Variants in ZBTB7C observed in about 807,000 individuals in gnomAD.
ZBTB7C encodes the protein zinc finger and BTB domain-containing protein 7C.
ZBTB7C carries 8 observed loss-of-function variants against 25.7 expected under a neutral mutation model. That is an observed-to-expected ratio of 0.31 (90% CI 0.18 to 0.56). ZBTB7C has a LOEUF of 0.56. Ranked by LOEUF, ZBTB7C falls within the 20% of genes least tolerant of loss-of-function variation. The pLI is 0.91. For synonymous variants in ZBTB7C, 394 were observed against 369.0 expected, an observed-to-expected ratio of 1.07 and a Z score of -0.78; for missense variants, 824 against 855.2, an observed-to-expected ratio of 0.96 and a Z score of 0.46.
intron 3 of ZBTB7C, among the ~76,000 whole-genome samples, chr18:48,106,945 G>C (rs931593239): frequency 6.6e-6 from 1 of 152,136 alleles, no homozygotes; most frequent in Non-Finnish European, 1.5e-5. Context: ...GCAAGCTCAG[G>C]CTGCCCAGAA....
chr18:48,247,276 A>T (rs1453451867), intron 2 of ZBTB7C, among the ~76,000 whole-genome samples: 2 of 152,230 alleles, frequency 1.3e-5, no homozygotes, highest in African/African-American at 4.8e-5. Flanking sequence ...AATCATTCAT[A>T]AAAATATTAT....
At chr18:48,407,452 G>T (rs1015091821) in intron 1 of ZBTB7C, among the ~76,000 whole-genome samples, 1 of 152,172 alleles carries the variant, frequency 6.6e-6, no homozygotes, top group Non-Finnish European at 1.5e-5. Flanking sequence ...TACCACATTC[G>T]CTGGCAAGCA....
chr18:48,184,682 G>C (rs990832089), intron 3 of ZBTB7C, among the ~76,000 whole-genome samples: 1 of 152,094 alleles, frequency 6.6e-6, no homozygotes, highest in Non-Finnish European at 1.5e-5. Flanking sequence ...CCCTGCGTGA[G>C]AAGTGGCTCT....
At chr18:48,383,054 G>T (rs950342086) in intron 1 of ZBTB7C, among the ~76,000 whole-genome samples, 2 of 152,032 alleles carry the variant, frequency 1.3e-5, no homozygotes, top group South Asian at 4.1e-4. Context: ...ATGACATTGC[G>T]CCTGCTTCCC....
intron 2 of ZBTB7C, among the ~76,000 whole-genome samples, chr18:48,187,298 G>A (rs977500161): frequency 3.3e-5 from 5 of 152,188 alleles, no homozygotes; most frequent in Non-Finnish European, 5.9e-5. Context: ...AAAAGACGGA[G>A]GGAAGTCAAA....
At chr18:48,169,447 C>T (rs1026713750) in intron 3 of ZBTB7C, among the ~76,000 whole-genome samples, 1 of 152,166 alleles carries the variant, frequency 6.6e-6, no homozygotes, top group African/African-American at 2.4e-5. Flanking sequence ...GCCCTGCCAT[C>T]GTCACTTTTG....
intron 2 of ZBTB7C, among the ~76,000 whole-genome samples, chr18:48,300,538 T>G (rs192832460): frequency 2.6e-4 from 40 of 151,238 alleles, no homozygotes; most frequent in African/African-American, 9.7e-4. Context: ...GCCAGGTCGT[T>G]TTTTTACTCT....
intron 2 of ZBTB7C, among the ~76,000 whole-genome samples, chr18:48,303,337 C>T (rs989548768): frequency 1.3e-5 from 2 of 152,212 alleles, no homozygotes; most frequent in Non-Finnish European, 2.9e-5. Context: ...TCTGATGAGA[C>T]TCAGGGGCTC....
chr18:48,358,472 C>T (rs1348526658), intron 1 of ZBTB7C, among the ~76,000 whole-genome samples: 2 of 152,238 alleles, frequency 1.3e-5, no homozygotes, highest in Non-Finnish European at 2.9e-5. Flanking sequence ...CCTGAGGCCT[C>T]ACCAGAAGCA....
chr18:48,306,470 G>A (rs183255582), intron 2 of ZBTB7C, among the ~76,000 whole-genome samples: 14 of 152,304 alleles, frequency 9.2e-5, no homozygotes, highest in Admixed American at 4.6e-4. Context: ...CCATATCACC[G>A]CTAGTCTCCA....
chr18:48,368,689 G>A (rs931863624), intron 1 of ZBTB7C, among the ~76,000 whole-genome samples: 34 of 152,256 alleles, frequency 2.2e-4, no homozygotes, highest in South Asian at 1.5e-3. Context: ...TCTTGAAAAC[G>A]TTCAGAGAGA....
intron 2 of ZBTB7C, among the ~76,000 whole-genome samples, chr18:48,304,651 G>A (rs558009077): frequency 6.6e-6 from 1 of 151,918 alleles, no homozygotes; most frequent in South Asian, 2.1e-4. Flanking sequence ...CTCCAGCCTG[G>A]GCAACACAGT....
At chr18:48,163,399 T>G (rs912246059) in intron 3 of ZBTB7C, among the ~76,000 whole-genome samples, 3 of 152,132 alleles carry the variant, frequency 2.0e-5, no homozygotes, top group South Asian at 4.1e-4. Context: ...TCCGTAGCAA[T>G]GTGGGGGAGA....
intron 1 of ZBTB7C, among the ~76,000 whole-genome samples, chr18:48,352,340 A>C (rs2046883505): frequency 6.6e-6 from 1 of 152,242 alleles, no homozygotes; most frequent in African/African-American, 2.4e-5. Flanking sequence ...CCAAGTGCTC[A>C]CAGCCCTGCT....
chr18:48,309,727 C>T (rs1384603642), intron 2 of ZBTB7C, among the ~76,000 whole-genome samples: 4 of 152,180 alleles, frequency 2.6e-5, no homozygotes, highest in Admixed American at 6.5e-5. Flanking sequence ...GAGAGAGAAA[C>T]TGAGTCTTAT....
chr18:48,268,958 C>CTTTTTTT (rs140699441), intron 2 of ZBTB7C, among the ~76,000 whole-genome samples: 9 of 118,982 alleles, frequency 7.6e-5, no homozygotes, highest in Admixed American at 1.8e-4. Context: ...TGCTCTGTTT[C>CTTTTTTT]TTTTTTTTTT....
At chr18:48,221,255 T>C (rs544391611) in intron 2 of ZBTB7C, among the ~76,000 whole-genome samples, 1 of 150,146 alleles carries the variant, frequency 6.7e-6, no homozygotes, top group East Asian at 2.0e-4. Flanking sequence ...TCCTCTATAA[T>C]GTTCTAGACT....
chr18:48,065,832 T>C (rs2037308199), intron 3 of ZBTB7C, among the ~76,000 whole-genome samples: 1 of 152,152 alleles, frequency 6.6e-6, no homozygotes, highest in Non-Finnish European at 1.5e-5. Context: ...AGTGGTCTTA[T>C]CAGAGGATGC....
chr18:48,392,411 C>G (rs1219918515), intron 1 of ZBTB7C, among the ~76,000 whole-genome samples: 1 of 152,180 alleles, frequency 6.6e-6, no homozygotes, highest in African/African-American at 2.4e-5. Context: ...GTGGTTTCTG[C>G]CCAGAAGTCC....
Sources: gnomAD v4.1 joint callset for allele counts (sites outside exome capture counted in the v4.1 genomes callset) on GRCh38, gnomAD v4.1.1 for gene constraint, MANE v1.5 for transcripts, NCBI Gene and HGNC (gene_info 2026-07-23, HGNC 2026-07-21) for gene names.